Variants in BTBD16 observed in about 807,000 individuals in gnomAD.
The protein encoded by BTBD16 is BTB domain containing 16.
In BTBD16, 66 loss-of-function variants were observed where a neutral mutation model predicts 67.4. The ratio of observed to expected loss-of-function variants is 0.98; its 90% confidence interval spans 0.80 to 1.20. The LOEUF (loss-of-function observed/expected upper bound fraction) is 1.20, where lower values mean the gene tolerates loss of function less well. Ranked by LOEUF, BTBD16 falls within the 50% of genes most tolerant of loss-of-function variation. The pLI is 0.00. For missense variants in BTBD16, 634 were observed against 616.0 expected (o/e 1.03, Z -0.31); for synonymous variants, 242 against 236.4 (o/e 1.02, Z -0.22).
At chr10:122,280,969 A>T (rs765514659) in intron 3 of BTBD16, among the ~76,000 whole-genome samples, 1 of 151,986 alleles carries the variant, frequency 6.6e-6, no homozygotes, top group African/African-American at 2.4e-5. Context: ...CACATGCTGA[A>T]TTTTTTATTT....
intron 8 of BTBD16, 136 bp downstream of exon 8, chr10:122,297,973 C>A: frequency 1.4e-6 from 1 of 738,074 alleles, no homozygotes. Flanking sequence ...TATTTTGCCA[C>A]ATGAACACAT....
intron 10 of BTBD16, among the ~76,000 whole-genome samples, chr10:122,322,317 T>A (rs2096436965): frequency 6.6e-6 from 1 of 152,190 alleles, no homozygotes; most frequent in Admixed American, 6.5e-5. Flanking sequence ...GAGCTATACG[T>A]TTCCTTTAAC....
intron 10 of BTBD16, among the ~76,000 whole-genome samples, chr10:122,319,406 A>G (rs2096431846): frequency 6.6e-6 from 1 of 152,138 alleles, no homozygotes; most frequent in Non-Finnish European, 1.5e-5. Flanking sequence ...TTTTAAATAT[A>G]TATGTGAGGT....
intron 10 of BTBD16, among the ~76,000 whole-genome samples, chr10:122,326,720 G>A (rs2133309409): frequency 6.6e-6 from 1 of 152,284 alleles, no homozygotes; most frequent in East Asian, 1.9e-4. Context: ...AGGACCCAGG[G>A]CCAACCTGGA....
intron 11 of BTBD16, 70 bp downstream of exon 11, chr10:122,329,641 C>G: frequency 5.4e-6 from 7 of 1,293,974 alleles, no homozygotes; most frequent in South Asian, 1.2e-5. Context: ...CCAGCCACTG[C>G]CGGGGGAGCC....
intron 10 of BTBD16, among the ~76,000 whole-genome samples, chr10:122,311,584 T>C (rs775289759): frequency 6.6e-6 from 1 of 152,248 alleles, no homozygotes; most frequent in Non-Finnish European, 1.5e-5. Context: ...TCAGGAAAGC[T>C]GTAAAAACTT....
chr10:122,325,143 C>T (rs551364655), intron 10 of BTBD16, among the ~76,000 whole-genome samples: 1 of 152,322 alleles, frequency 6.6e-6, no homozygotes, highest in East Asian at 1.9e-4. Context: ...AGGGCTGGCC[C>T]TACTGGCCTA....
chr10:122,305,274 C>T (rs1428243080), intron 9 of BTBD16, among the ~76,000 whole-genome samples: 1 of 152,130 alleles, frequency 6.6e-6, no homozygotes, highest in Non-Finnish European at 1.5e-5. Context: ...AGTATAATAT[C>T]CTTGATATAG....
intron 14 of BTBD16, among the ~76,000 whole-genome samples, chr10:122,335,464 G>A (rs2096461971): frequency 6.6e-6 from 1 of 152,246 alleles, no homozygotes. Flanking sequence ...GGAGAGGCAG[G>A]AGAATGTCAT....
intron 6 of BTBD16, among the ~76,000 whole-genome samples, chr10:122,290,708 T>C (rs1476779217): frequency 2.0e-5 from 3 of 151,890 alleles, no homozygotes; most frequent in Non-Finnish European, 4.4e-5. Flanking sequence ...GTAAGATATA[T>C]GTTGTCTCCA....
At chr10:122,330,507 A>G (rs2096453415) in intron 11 of BTBD16, among the ~76,000 whole-genome samples, 1 of 152,216 alleles carries the variant, frequency 6.6e-6, no homozygotes, top group African/African-American at 2.4e-5. Context: ...CTTTAACAAT[A>G]GTTCTCAAGG....
chr10:122,278,867 A>T (rs916069605), intron 3 of BTBD16, among the ~76,000 whole-genome samples: 1 of 152,220 alleles, frequency 6.6e-6, no homozygotes, highest in South Asian at 2.1e-4. Flanking sequence ...GCTCTGTTCC[A>T]TGAGCCTCTT....
chr10:122,320,881 G>A (rs886288173), intron 10 of BTBD16, among the ~76,000 whole-genome samples: 2 of 151,996 alleles, frequency 1.3e-5, no homozygotes, highest in Non-Finnish European at 2.9e-5. Context: ...TTCAGATTTA[G>A]GGGGTACATG....
At chr10:122,335,127 A>T in intron 14 of BTBD16, 148 bp downstream of exon 14, 1 of 520,096 alleles carries the variant, frequency 1.9e-6, no homozygotes. Flanking sequence ...CATGTATGTG[A>T]TGTCATTTGA....
intron 10 of BTBD16, among the ~76,000 whole-genome samples, chr10:122,313,720 C>T (rs552425750): frequency 6.6e-5 from 10 of 152,276 alleles, no homozygotes; most frequent in South Asian, 6.2e-4. Context: ...ACCATGGTCA[C>T]GGTCCTTCTT....
intron 11 of BTBD16, among the ~76,000 whole-genome samples, chr10:122,330,713 T>C (rs902071010): frequency 6.6e-6 from 1 of 152,110 alleles, no homozygotes; most frequent in African/African-American, 2.4e-5. Context: ...ATAAGGTGGT[T>C]TTTTGTGTTG....
At position 122,273,245 on chromosome 10, in the gene BTBD16, T is replaced by TATATATATAC. The variant is rs1249462780; in HGVS notation, c.-43+1732_-43+1733insTATATATACA. Reference sequence around the variant, plus strand: ...AGATATATATATATATATATATATATACACACATACATACATATATATACA... The same window carrying TATATATATAC: ...AGATATATATATATATATATATATATATATATATACACACACATACATACATATATATACA... On this transcript the variant is annotated intron_variant, in intron 1 of 15. Transcript: ENST00000260723. Among the ~76,000 whole-genome samples, 203 of 139,466 alleles carry TATATATATAC rather than the reference T, an allele frequency of 1.5e-3. 1 individual carries two copies. Among genetic ancestry groups the TATATATATAC allele is most frequent in the African/African-American group, 4.8e-3 (180 of 37,564 alleles). The allele number at this position is 139,466 out of a possible 152,430, so 91.5% of individuals were successfully genotyped here. A position where few individuals can be genotyped will look rare whatever the true frequency, so the allele number is the denominator to read the frequency against.
intron 5 of BTBD16, among the ~76,000 whole-genome samples, chr10:122,289,648 GA>G (rs2096370075): frequency 2.0e-5 from 3 of 152,222 alleles, no homozygotes; most frequent in Admixed American, 6.5e-5. Flanking sequence ...TGAGGCAGGA[GA>G]ATAGCTTGAA....
chr10:122,321,730 G>T (rs569698615), intron 10 of BTBD16, among the ~76,000 whole-genome samples: 23 of 151,974 alleles, frequency 1.5e-4, no homozygotes, highest in Non-Finnish European at 3.4e-4. Flanking sequence ...ATTTGTTTAA[G>T]TTCCTTATAG....
Sources: gnomAD v4.1 joint callset for allele counts (sites outside exome capture counted in the v4.1 genomes callset) on GRCh38, gnomAD v4.1.1 for gene constraint, MANE v1.5 for transcripts, NCBI Gene and HGNC (gene_info 2026-07-23, HGNC 2026-07-21) for gene names.